SCOC: variants seen among roughly 807,000 people sequenced by gnomAD.
SCOC encodes short coiled coil protein.
A neutral mutation model predicts 9.9 loss-of-function variants in SCOC; 7 were observed. The ratio of observed to expected loss-of-function variants is 0.71; its 90% CI spans 0.40 to 1.33. The LOEUF (loss-of-function observed/expected upper bound fraction) is 1.33. SCOC is among the 40% of genes most tolerant of loss of function. The pLI is 0.01. For synonymous variants in SCOC, 19 were observed against 28.2 expected (o/e 0.67, Z 1.03); for missense variants, 66 against 89.7 (o/e 0.74, Z 1.07).
chr4:140,339,859 C>T (rs375939347), upstream of SCOC, among the ~76,000 whole-genome samples: 1 of 152,194 alleles, frequency 6.6e-6, no homozygotes, highest in East Asian at 1.9e-4. Flanking sequence ...GGTGGGACTG[C>T]AAACTAGTTC....
chr4:140,340,412 T>C (rs1266223442), upstream of SCOC, among the ~76,000 whole-genome samples: 1 of 151,962 alleles, frequency 6.6e-6, no homozygotes, highest in Admixed American at 6.6e-5. Flanking sequence ...GTTGTATATA[T>C]ATGTAACAAA....
intron 1 of SCOC, among the ~76,000 whole-genome samples, chr4:140,316,039 A>C (rs1167477535): frequency 6.6e-6 from 1 of 152,134 alleles, no homozygotes; most frequent in Non-Finnish European, 1.5e-5. Context: ...AGAAAATGTA[A>C]CATATAATGT....
chr4:140,353,504 G>A (rs1017573222), intron 2 of SCOC, among the ~76,000 whole-genome samples: 1 of 150,468 alleles, frequency 6.6e-6, no homozygotes. Context: ...TCTGCCTCCC[G>A]CGTTCAAGCG....
intron 1 of SCOC, among the ~76,000 whole-genome samples, chr4:140,257,812 G>A (rs796825056): frequency 6.6e-6 from 1 of 152,260 alleles, no homozygotes; most frequent in African/African-American, 2.4e-5. Context: ...TTTCCATGTG[G>A]CAGCCTTTTG....
chr4:140,276,298 G>C (rs113733937), intron 1 of SCOC, among the ~76,000 whole-genome samples: 4 of 151,006 alleles, frequency 2.6e-5, no homozygotes, highest in African/African-American at 9.7e-5. Context: ...TACCGCACCC[G>C]GCCTAATTTT....
chr4:140,320,270 A>T (rs879818077), intron 1 of SCOC, among the ~76,000 whole-genome samples: 54 of 152,210 alleles, frequency 3.5e-4, no homozygotes, highest in Admixed American at 7.2e-4. Context: ...TGACAACCTC[A>T]GGAAGTTACC....
upstream of SCOC, chr4:140,373,368 C>G: frequency 1.0e-5 from 15 of 1,442,842 alleles, no homozygotes; most frequent in Non-Finnish European, 1.2e-5. Flanking sequence ...CCTGATGAGC[C>G]GCTTCACCAG....
rs397878492 is a variant in SCOC, at chr4:140,354,509, C to CTT, written c.70+10823_70+10824dup. Among the ~76,000 whole-genome samples the CTT allele has an allele frequency of 3.4e-3, 354 of 103,644 alleles. 5 individuals carry two copies. Among genetic ancestry groups the CTT allele is most frequent in the African/African-American group, 0.01 (289 of 27,580 alleles). 68.0% of individuals were successfully genotyped at this position (103,644 alleles called of 152,430 possible). A position where few individuals can be genotyped will look rare whatever the true frequency, so the allele number is the denominator to read the frequency against. On this transcript the variant is annotated intron_variant, in intron 2 of 4. Transcript: ENST00000338517. ...ACATTTCAAGGAATTTCTCAAAGAA[C>CTT]TTTTTTTTTTTTTTTTTTTTTTTGC...
intron 1 of SCOC, among the ~76,000 whole-genome samples, chr4:140,300,229 G>A (rs1260071445): frequency 6.6e-6 from 1 of 152,188 alleles, no homozygotes; most frequent in Non-Finnish European, 1.5e-5. Flanking sequence ...CAAAGAACCA[G>A]AATTGTTTCA....
upstream of SCOC, among the ~76,000 whole-genome samples, chr4:140,370,516 G>A (rs1467563245): frequency 6.6e-6 from 1 of 152,144 alleles, no homozygotes; most frequent in African/African-American, 2.4e-5. Context: ...CTGAGGTGTG[G>A]TCTGTTCACT....
At chr4:140,339,036 C>A (rs1224208150), upstream of SCOC, among the ~76,000 whole-genome samples, 1 of 152,198 alleles carries the variant, frequency 6.6e-6, no homozygotes, top group African/African-American at 2.4e-5. Context: ...ATCATGCTAC[C>A]TGACTTCAAA....
chr4:140,347,814 G>A (rs1560712594), intron 2 of SCOC, among the ~76,000 whole-genome samples: 1 of 152,032 alleles, frequency 6.6e-6, no homozygotes, highest in Non-Finnish European at 1.5e-5. Flanking sequence ...TTTTCATCAT[G>A]CATCTTTTAC....
upstream of SCOC, chr4:140,369,262 CTA>C (rs2126575724): frequency 4.5e-6 from 2 of 449,144 alleles, no homozygotes; most frequent in African/African-American, 4.0e-5. Flanking sequence ...ACAATTACGT[CTA>C]GTTTTGAAAT....
chr4:140,265,882 G>A (rs571410167), intron 1 of SCOC, among the ~76,000 whole-genome samples: 3 of 152,226 alleles, frequency 2.0e-5, no homozygotes, highest in East Asian at 1.9e-4. Context: ...TCTCTCTCCC[G>A]CTGTGGGAGC....
At chr4:140,317,069 G>A (rs1486349207) in intron 1 of SCOC, among the ~76,000 whole-genome samples, 3 of 152,020 alleles carry the variant, frequency 2.0e-5, no homozygotes, top group Non-Finnish European at 4.4e-5. Flanking sequence ...GAACACTTCC[G>A]TTGTCCATGA....
chr4:140,362,224 TAAG>T, intron 2 of SCOC, among the ~76,000 whole-genome samples: 1 of 106,080 alleles, frequency 9.4e-6, no homozygotes, highest in Non-Finnish European at 2.1e-5. Context: ...TTACTAATTT[TAAG>T]CAATTGTTTT....
At chr4:140,343,228 G>C (rs1230034605), upstream of SCOC, among the ~76,000 whole-genome samples, 1 of 152,140 alleles carries the variant, frequency 6.6e-6, no homozygotes, top group Non-Finnish European at 1.5e-5. Flanking sequence ...ATAAATCCTT[G>C]AGAAGTTTAC....
At chr4:140,283,843 C>A (rs753109726) in intron 1 of SCOC, 9 of 152,186 alleles carry the variant, frequency 5.9e-5, no homozygotes, top group African/African-American at 2.2e-4. Flanking sequence ...AATATATCCT[C>A]ACCCATAACA....
At chr4:140,364,675 A>C (rs1191031344) in intron 2 of SCOC, among the ~76,000 whole-genome samples, 2 of 152,194 alleles carry the variant, frequency 1.3e-5, no homozygotes, top group African/African-American at 4.8e-5. Context: ...ATGGCTGTAC[A>C]ACAAGAAGGC....
Sources: allele counts gnomAD v4.1 joint callset (sites outside exome capture counted in the v4.1 genomes callset), GRCh38; gene constraint gnomAD v4.1.1; transcripts MANE v1.5; gene names NCBI Gene and HGNC (gene_info 2026-07-23, HGNC 2026-07-21).